ATP6V1C2: variants seen among roughly 807,000 people sequenced by gnomAD.
ATP6V1C2 encodes the protein ATPase H+ transporting V1 subunit C2.
ATP6V1C2 carries 45 observed loss-of-function variants against 56.8 expected under a neutral mutation model. The ratio of observed to expected loss-of-function variants is 0.79; its 90% CI spans 0.62 to 1.02. ATP6V1C2 has a LOEUF of 1.02. ATP6V1C2 is among the 50% of genes least tolerant of loss of function. The pLI is 0.00. For missense variants in ATP6V1C2, 463 were observed against 519.7 expected (o/e 0.89, Z 1.06); for synonymous variants, 220 against 201.3 (o/e 1.09, Z -0.79).
At chr2:10,729,960 C>T (rs1305020738) in intron 3 of ATP6V1C2, among the ~76,000 whole-genome samples, 1 of 152,132 alleles carries the variant, frequency 6.6e-6, no homozygotes, top group Non-Finnish European at 1.5e-5. Flanking sequence ...TTCAGGGATT[C>T]CTTTTCTTTT....
In ATP6V1C2 at chr2:10,727,047, TCCTTCCTCCCTCCCTC is replaced by T. The variant is rs1004288152; in HGVS notation, c.197+482_197+497del. Among the ~76,000 whole-genome samples the T allele has an allele frequency of 1.3e-4, 18 of 142,882 alleles. No homozygotes were observed. In the East Asian group the frequency reaches 3.4e-3, roughly 27 times the overall value. 93.7% of individuals were successfully genotyped at this position (142,882 alleles called of 152,430 possible). The stretch of plus-strand genomic sequence containing the variant: ...GACAATATAGAGAGCCTTCCTTCCT[TCCTTCCTCCCTCCCTC>T]CCTCCCTCCCTTCCTCCCTTTTTTG... On this transcript the variant is annotated intron_variant, in intron 3 of 13. Transcript: ENST00000272238.
At chr2:10,732,049 G>A (rs1288366574) in intron 3 of ATP6V1C2, among the ~76,000 whole-genome samples, 1 of 152,008 alleles carries the variant, frequency 6.6e-6, no homozygotes, top group African/African-American at 2.4e-5. Context: ...CAATTCTAGA[G>A]CTGTCTTTGC....
intron 12 of ATP6V1C2, among the ~76,000 whole-genome samples, chr2:10,779,953 A>C (rs1365915541): frequency 3.9e-5 from 6 of 152,070 alleles, no homozygotes; most frequent in Admixed American, 3.9e-4. Flanking sequence ...GTCACGGAGC[A>C]CTGCGCACCG....
At position 10,736,128 on chromosome 2, in the gene ATP6V1C2, G is replaced by T. The variant is rs140781834; in HGVS notation, c.197+9559G>T. 3.3e-3 allele frequency among the ~76,000 whole-genome samples: 506 copies of T among 152,168 alleles called. 2 individuals carry two copies. Among genetic ancestry groups the T allele is most frequent in the African/African-American group, 0.011 (469 of 41,480 alleles). The stretch of plus-strand genomic sequence containing the variant: ...TCCACCCCGAGAATCTGTGATTCAG[G>T]AGGTCTGAGTTGGGGCCTGAGAACC... On this transcript the variant is annotated intron_variant, in intron 3 of 13. Coordinates refer to ENST00000272238, the MANE Select transcript of ATP6V1C2 (RefSeq NM_001039362.2).
chr2:10,765,610 T>G (rs759635989), intron 5 of ATP6V1C2, among the ~76,000 whole-genome samples: 18 of 152,222 alleles, frequency 1.2e-4, no homozygotes, highest in Non-Finnish European at 2.2e-4. Flanking sequence ...GCTGCTTACA[T>G]CAGAGAGGCT....
rs1473234230 is a variant in ATP6V1C2, at chr2:10,772,554, A to G, written c.582A>G (p.Ser194=). 6.2e-7 allele frequency: 1 copy of G among 1,614,004 alleles called. No homozygotes were observed. The highest frequency in any genetic ancestry group is 1.1e-5 in the South Asian group (1 of 91,084). ...TATGTTCTTGCAGACCAAACTACTC[A>G]CAATGGCAAAAAACCTACGAATCTC... ...LLVIVPKPNY[S]QWQKTYESLS... is the part of the protein sequence containing the mutation. The change falls in exon 8 of 14, where the codon TCA becomes TCG. Residue 194 remains serine (S), a synonymous_variant. Coordinates refer to ENST00000272238, the MANE Select transcript of ATP6V1C2 (RefSeq NM_001039362.2).
At chr2:10,745,720 G>A (rs1662872399) in intron 3 of ATP6V1C2, among the ~76,000 whole-genome samples, 1 of 152,074 alleles carries the variant, frequency 6.6e-6, no homozygotes, top group Non-Finnish European at 1.5e-5. Context: ...TCCACCCACA[G>A]GACTTTTTCC....
intron 8 of ATP6V1C2, among the ~76,000 whole-genome samples, chr2:10,773,136 G>A (rs1050661192): frequency 6.6e-6 from 1 of 152,230 alleles, no homozygotes; most frequent in Non-Finnish European, 1.5e-5. Context: ...AGGATGCCAG[G>A]CCCTGTGTGT....
Position 10,774,804 on chromosome 2 carries a change from A to G in ATP6V1C2, c.655A>G (p.Lys219Glu). The change falls in exon 9 of 14, where the codon AAG becomes GAG. Residue 219 changes from lysine to glutamate, a missense_variant. Physicochemically the swap from Lys to Glu is moderately conservative, Grantham distance 56 (BLOSUM62 1). Transcript: ENST00000272238. ...CTCCAACAGACTCATTACTGAGGACAAGGAAGGGGGCCTTTTCACTGTGAC... is the reference window on the plus strand; with the variant it reads ...CTCCAACAGACTCATTACTGAGGACGAGGAAGGGGGCCTTTTCACTGTGAC... ...PRSTKLITED[K>E]EGGLFTVTLF... 6.2e-7 allele frequency: 1 copy of G among 1,614,120 alleles called. No individual in the cohort carries two copies. The highest frequency in any genetic ancestry group is 1.1e-5 in the South Asian group (1 of 91,078).
chr2:10,769,730 GGA>G (rs1174666132), intron 6 of ATP6V1C2, among the ~76,000 whole-genome samples: 1 of 151,798 alleles, frequency 6.6e-6, no homozygotes, highest in East Asian at 2.0e-4. Flanking sequence ...AAAAAAACAG[GGA>G]GAGAGAGAAG....
chr2:10,754,391 A>G (rs1249027221), intron 4 of ATP6V1C2, among the ~76,000 whole-genome samples: 1 of 151,546 alleles, frequency 6.6e-6, no homozygotes, highest in Non-Finnish European at 1.5e-5. Flanking sequence ...ACGCCTGGCT[A>G]ATTTTTGTAT....
At position 10,754,081 on chromosome 2, in the gene ATP6V1C2, C is replaced by T; in HGVS notation, c.283+15C>T. 1 of 1,584,992 alleles carries T rather than the reference C, an allele frequency of 6.3e-7. No individual in the cohort carries two copies. The highest frequency in any genetic ancestry group is 1.7e-5 in the Admixed American group (1 of 57,496). On this transcript the variant is annotated intron_variant, in intron 4 of 13. Transcript: ENST00000272238. ...GGCAAACGGAGGTAGGTAGGGCGGC[C>T]CTCTGATGTGGAGCACAATCTCCCC...
At chr2:10,755,587 C>CAGATAAACACAGTTTAT (rs1663504645) in intron 4 of ATP6V1C2, among the ~76,000 whole-genome samples, 1 of 152,182 alleles carries the variant, frequency 6.6e-6, no homozygotes, top group African/African-American at 2.4e-5. Flanking sequence ...CTGGTGAACT[C>CAGATAAACACAGTTTAT]CTCAGAGTGC....
chr2:10,774,984 T>C lies in ATP6V1C2; in HGVS notation c.738T>C (p.Thr246=), dbSNP rs1435245501. Residue 246 remains threonine, a synonymous_variant, in exon 10 of 14, where the codon ACT becomes ACC. Coordinates refer to ENST00000272238, the MANE Select transcript of ATP6V1C2 (RefSeq NM_001039362.2). The part of the protein sequence containing the change: ...FKTKAKENKF[T]VREFYYDEKE... ...ATGATTTGCTTGTTTTAAGGTTCAC[T>C]GTTCGTGAATTTTACTATGATGAGA... The C allele has an allele frequency of 6.2e-7, 1 of 1,613,980 alleles. No individual in the cohort carries two copies. Among genetic ancestry groups the C allele is most frequent in the Non-Finnish European group, 8.5e-7 (1 of 1,179,820 alleles).
chr2:10,764,164 G>A (rs569406548), intron 4 of ATP6V1C2, among the ~76,000 whole-genome samples, 167 bp from the exon 5 acceptor site: 7 of 152,280 alleles, frequency 4.6e-5, no homozygotes, highest in African/African-American at 9.6e-5. Flanking sequence ...ACAGCTCCCC[G>A]CTCCCGCAGG....
intron 3 of ATP6V1C2, among the ~76,000 whole-genome samples, chr2:10,747,715 A>G (rs1045067149): frequency 1.3e-5 from 2 of 151,940 alleles, no homozygotes; most frequent in Non-Finnish European, 1.5e-5. Flanking sequence ...AAAAAAAAGC[A>G]CACTTTCTAC....
chr2:10,771,714 C>T (rs1344513736), intron 6 of ATP6V1C2, 125 bp from the exon 7 acceptor site: 3 of 745,668 alleles, frequency 4.0e-6, no homozygotes, highest in Non-Finnish European at 7.2e-6. Flanking sequence ...CTCCTAGGCT[C>T]CAGCATCCCT....
At chr2:10,746,320 C>T (rs10929697) in intron 3 of ATP6V1C2, among the ~76,000 whole-genome samples, 45,020 of 151,776 alleles carry the variant, frequency 0.3, 7,749 homozygotes, top group African/African-American at 0.47. Flanking sequence ...TTAATAATGC[C>T]GCTATGTTTA....
At chr2:10,749,986 A>G (rs1168215173) in intron 3 of ATP6V1C2, among the ~76,000 whole-genome samples, 1 of 152,238 alleles carries the variant, frequency 6.6e-6, no homozygotes, top group Non-Finnish European at 1.5e-5. Flanking sequence ...TGGAGTGAAA[A>G]AAGTACATTT....
Sources: allele counts gnomAD v4.1 joint callset (sites outside exome capture counted in the v4.1 genomes callset), GRCh38; gene constraint gnomAD v4.1.1; transcripts MANE v1.5; gene names NCBI Gene and HGNC (gene_info 2026-07-23, HGNC 2026-07-21).